CLSTN2: variants seen among roughly 807,000 people sequenced by gnomAD.
The protein encoded by CLSTN2 is calsyntenin 2.
A neutral mutation model predicts 101.2 loss-of-function variants in CLSTN2; 48 were observed. The observed-to-expected ratio is 0.47, with a 90% CI of 0.38 to 0.60. The LOEUF (loss-of-function observed/expected upper bound fraction) is 0.60, where lower values mean the gene tolerates loss of function less well. Ranked by LOEUF, CLSTN2 falls within the 20% of genes least tolerant of loss-of-function variation. CLSTN2 has a pLI of 0.00. For missense variants in CLSTN2, 1,160 were observed against 1,238.2 expected (o/e 0.94, Z 0.95); for synonymous variants, 481 against 463.6 (o/e 1.04, Z -0.48).
chr3:140,466,827 C>T, intron 8 of CLSTN2, 96 bp downstream of exon 8: 1 of 1,520,630 alleles, frequency 6.6e-7, no homozygotes, highest in South Asian at 1.2e-5. Flanking sequence ...ACTGCAAGGT[C>T]CTGACCACTT....
At position 140,546,501 on chromosome 3, in the gene CLSTN2, G is replaced by T; in HGVS notation, c.1508-14G>T. On this transcript the variant is annotated splice_polypyrimidine_tract_variant and intron_variant, in intron 9 of 16. Transcript: ENST00000458420. Reference sequence around the variant, plus strand: ...CAGTCTTCACAGGGCAAATGATGGTGTTTGTTTTTTCAGGAGGAGAAGTCA... The same window carrying T: ...CAGTCTTCACAGGGCAAATGATGGTTTTTGTTTTTTCAGGAGGAGAAGTCA... The T allele has an allele frequency of 6.2e-7, 1 of 1,612,892 alleles. No individual in the cohort carries two copies. Among genetic ancestry groups the T allele is most frequent in the Middle Eastern group, 1.7e-4 (1 of 6,050 alleles).
At chr3:140,100,678 C>T (rs1025564143) in intron 1 of CLSTN2, among the ~76,000 whole-genome samples, 6 of 152,252 alleles carry the variant, frequency 3.9e-5, no homozygotes, top group East Asian at 1.9e-4. Context: ...GTGGGCCACA[C>T]GCATAATCCT....
chr3:140,250,348 G>A (rs1035753801), intron 2 of CLSTN2, among the ~76,000 whole-genome samples: 2 of 152,164 alleles, frequency 1.3e-5, no homozygotes, highest in African/African-American at 4.8e-5. Context: ...AGAATGTGCT[G>A]TACCTTCATG....
chr3:140,458,997 G>C (rs772381782), intron 6 of CLSTN2, among the ~76,000 whole-genome samples: 2 of 152,152 alleles, frequency 1.3e-5, no homozygotes, highest in African/African-American at 2.4e-5. Flanking sequence ...CTTCTTATGG[G>C]ATCAGGATCT....
intron 2 of CLSTN2, among the ~76,000 whole-genome samples, chr3:140,240,745 A>G (rs2086460514): frequency 6.6e-6 from 1 of 152,214 alleles, no homozygotes; most frequent in Non-Finnish European, 1.5e-5. Flanking sequence ...AAGAGAGACC[A>G]GAACAAGCTA....
intron 2 of CLSTN2, among the ~76,000 whole-genome samples, chr3:140,367,359 G>A (rs1342845905): frequency 6.6e-6 from 1 of 151,736 alleles, no homozygotes; most frequent in African/African-American, 2.4e-5. Context: ...CTAAAAATAC[G>A]AAAATTAACT....
At chr3:140,244,522 G>A (rs1328686642) in intron 2 of CLSTN2, among the ~76,000 whole-genome samples, 1 of 152,166 alleles carries the variant, frequency 6.6e-6, no homozygotes, top group Admixed American at 6.5e-5. Flanking sequence ...TAGAGCACCA[G>A]GCTCAGCCTT....
At chr3:139,937,907 T>G (rs960535532) in intron 1 of CLSTN2, among the ~76,000 whole-genome samples, 12 of 152,172 alleles carry the variant, frequency 7.9e-5, no homozygotes, top group African/African-American at 2.9e-4. Flanking sequence ...GCTGCTGATT[T>G]TTTTTTCAAG....
Position 140,194,524 on chromosome 3 carries a change from TA to T in CLSTN2, c.232+18459del, listed in dbSNP as rs200131949. On this transcript the variant is annotated intron_variant, in intron 2 of 16. Coordinates refer to ENST00000458420, the MANE Select transcript of CLSTN2 (RefSeq NM_022131.3). Reference sequence around the variant, plus strand: ...TTCTCAGTAGTGGCATCTACTGATTTAAAAAAAATCAGTTGAGTTATTTCTG... The same window carrying T: ...TTCTCAGTAGTGGCATCTACTGATTTAAAAAAATCAGTTGAGTTATTTCTG... Among the ~76,000 whole-genome samples, 7 of 152,204 alleles carry T rather than the reference TA, an allele frequency of 4.6e-5. No individual in the cohort carries two copies. In the East Asian group the frequency reaches 7.7e-4, roughly 17 times the overall value.
At chr3:140,544,679 T>C (rs538621847) in intron 9 of CLSTN2, among the ~76,000 whole-genome samples, 73 of 151,488 alleles carry the variant, frequency 4.8e-4, no homozygotes, top group Non-Finnish European at 8.7e-4. Context: ...GTGAAGGGTA[T>C]GTTAAAATGA....
chr3:140,222,006 A>G (rs147197078), intron 2 of CLSTN2, among the ~76,000 whole-genome samples: 32 of 152,240 alleles, frequency 2.1e-4, no homozygotes, highest in African/African-American at 7.2e-4. Flanking sequence ...TATCAGAGAG[A>G]TGTCTGTTTT....
intron 1 of CLSTN2, among the ~76,000 whole-genome samples, chr3:140,046,270 G>A (rs950323311): frequency 7.9e-5 from 12 of 152,064 alleles, no homozygotes; most frequent in African/African-American, 2.7e-4. Flanking sequence ...TTATGTAATG[G>A]CCTTCTTTGT....
At chr3:139,959,925 C>T (rs374088430) in intron 1 of CLSTN2, among the ~76,000 whole-genome samples, 7 of 152,170 alleles carry the variant, frequency 4.6e-5, no homozygotes, top group African/African-American at 7.2e-5. Context: ...TCTCCCACCC[C>T]CTACCAGCTT....
intron 9 of CLSTN2, among the ~76,000 whole-genome samples, chr3:140,533,356 C>T (rs1935296942): frequency 6.6e-6 from 1 of 152,040 alleles, no homozygotes; most frequent in African/African-American, 2.4e-5. Flanking sequence ...TGAAAATTAC[C>T]AAGATTTGTG....
At chr3:140,224,200 C>T (rs1419559046) in intron 2 of CLSTN2, among the ~76,000 whole-genome samples, 2 of 152,230 alleles carry the variant, frequency 1.3e-5, no homozygotes, top group South Asian at 4.1e-4. Flanking sequence ...AAGCCCCAGC[C>T]TGGCCCCCTC....
chr3:140,557,081 T>G (rs1935813073), intron 11 of CLSTN2: 1 of 155,940 alleles, frequency 6.4e-6, no homozygotes. Flanking sequence ...CTAAATCCCT[T>G]AGGTATGCCA....
rs530556261 is a variant in CLSTN2, at chr3:140,339,061, C to T, written c.233-64568C>T. On this transcript the variant is annotated intron_variant, in intron 2 of 16. Coordinates refer to ENST00000458420, the MANE Select transcript of CLSTN2 (RefSeq NM_022131.3). ...CCTGGGTGAAGCTGCCGTGTGCTGG[C>T]AGACGTGACCCACAGCCACACCATC... Among the ~76,000 whole-genome samples the T allele has an allele frequency of 7.9e-5, 12 of 152,290 alleles. No individual in the cohort carries two copies. In the South Asian group the frequency reaches 2.5e-3, roughly 32 times the overall value.
chr3:140,205,618 G>GCCTCC (rs1553721845), intron 2 of CLSTN2, among the ~76,000 whole-genome samples: 1 of 67,172 alleles, frequency 1.5e-5, no homozygotes, highest in Non-Finnish European at 3.7e-5. Flanking sequence ...GACCTGACCC[G>GCCTCC]CCCCCCACCC....
chr3:140,126,408 A>T (rs567018112), intron 1 of CLSTN2, among the ~76,000 whole-genome samples: 31 of 152,250 alleles, frequency 2.0e-4, no homozygotes, highest in South Asian at 2.1e-4. Flanking sequence ...CCACACCTCC[A>T]GACCCTGACA....
Sources: allele counts gnomAD v4.1 joint callset (sites outside exome capture counted in the v4.1 genomes callset), GRCh38; gene constraint gnomAD v4.1.1; transcripts MANE v1.5; gene names NCBI Gene and HGNC (gene_info 2026-07-23, HGNC 2026-07-21).